PLAC1: variants seen among roughly 807,000 people sequenced by gnomAD.
PLAC1 encodes placenta associated 1, also known as placenta-specific protein 1.
For missense variants in PLAC1, 136 were observed against 163.2 expected, an observed-to-expected ratio of 0.83 and a Z score of 0.91; for synonymous variants, 68 against 62.1, an observed-to-expected ratio of 1.09 and a Z score of -0.44.
At chrX:134,613,281 T>C (rs2078162993) in intron 1 of PLAC1, among the ~76,000 whole-genome samples, 1 of 111,394 alleles carries the variant, frequency 9.0e-6, no homozygotes, top group African/African-American at 3.3e-5. Flanking sequence ...CAGAATTGTG[T>C]CCATGTGGGA....
At chrX:134,757,829 A>T (rs1342912233) in intron 1 of PLAC1, among the ~76,000 whole-genome samples, 1 of 111,544 alleles carries the variant, frequency 9.0e-6, no homozygotes, top group Non-Finnish European at 1.9e-5. Context: ...ATATGTATAC[A>T]CACAGAGAGA....
At chrX:134,707,571 A>C (rs2078609552) in intron 2 of PLAC1, among the ~76,000 whole-genome samples, 1 of 111,910 alleles carries the variant, frequency 8.9e-6, no homozygotes, top group Non-Finnish European at 1.9e-5. Context: ...TATGAGTGAG[A>C]ACATGGGGTG....
chrX:134,597,177 A>AT (rs1157913373), intron 2 of PLAC1, among the ~76,000 whole-genome samples: 2 of 110,759 alleles, frequency 1.8e-5, no homozygotes, highest in South Asian at 3.8e-4. Context: ...TGAGACTGTT[A>AT]TTTTTTTCCA....
At chrX:134,699,525 C>T (rs780462251) in intron 2 of PLAC1, among the ~76,000 whole-genome samples, 100 of 112,419 alleles carry the variant, frequency 8.9e-4, no homozygotes, top group African/African-American at 3.2e-3. Flanking sequence ...TGTTAATCTG[C>T]TTCATCACAA....
intron 1 of PLAC1, among the ~76,000 whole-genome samples, chrX:134,625,218 G>A: frequency 8.9e-6 from 1 of 112,228 alleles, no homozygotes; most frequent in Admixed American, 9.4e-5. Context: ...GAACATGGAA[G>A]AAGCTTGGTT....
intron 2 of PLAC1, among the ~76,000 whole-genome samples, chrX:134,575,942 TATC>T (rs908386566): frequency 1.1e-4 from 12 of 108,437 alleles, no homozygotes; most frequent in Admixed American, 1.1e-3. Context: ...ATAAAAGTCT[TATC>T]ATATCTAATA....
chrX:134,705,019 T>C (rs866961494), intron 2 of PLAC1, among the ~76,000 whole-genome samples: 4 of 95,884 alleles, frequency 4.2e-5, no homozygotes, highest in African/African-American at 1.3e-4. Flanking sequence ...TATATATATA[T>C]ATACACACAC....
intron 1 of PLAC1, among the ~76,000 whole-genome samples, chrX:134,624,359 C>A (rs1233156220): frequency 8.9e-6 from 1 of 111,841 alleles, no homozygotes; most frequent in Non-Finnish European, 1.9e-5. Context: ...TCCTTAACAG[C>A]AAACCTGCTT....
chrX:134,733,267 CG>C (rs2078694131), intron 2 of PLAC1, among the ~76,000 whole-genome samples: 3 of 109,802 alleles, frequency 2.7e-5, no homozygotes. Context: ...AGAGAACTTC[CG>C]GGGCTTAGAA....
chrX:134,638,762 T>TA (rs56714261), intron 1 of PLAC1, among the ~76,000 whole-genome samples: 10,601 of 102,704 alleles, frequency 0.1, 731 homozygotes, highest in East Asian at 0.52. Flanking sequence ...CTGGCTTTTT[T>TA]AAAAAAAAAA....
At chrX:134,758,825 T>C (rs2078763098) in intron 1 of PLAC1, among the ~76,000 whole-genome samples, 1 of 111,807 alleles carries the variant, frequency 8.9e-6, no homozygotes, top group Non-Finnish European at 1.9e-5. Flanking sequence ...AAACAATCAA[T>C]AGAGTTAAGA....
intron 2 of PLAC1, among the ~76,000 whole-genome samples, chrX:134,580,929 C>T (rs1345353976): frequency 2.7e-5 from 3 of 111,732 alleles, no homozygotes; most frequent in African/African-American, 9.8e-5. Context: ...CCACCAGATA[C>T]GGCAACCCCA....
chrX:134,756,351 T>A (rs1048159040), intron 1 of PLAC1, among the ~76,000 whole-genome samples: 58 of 109,575 alleles, frequency 5.3e-4, no homozygotes, highest in Non-Finnish European at 9.7e-4. Context: ...TTTTTTTTTT[T>A]AATATTTGGA....
At chrX:134,616,798 CAG>C (rs1023212915) in intron 1 of PLAC1, among the ~76,000 whole-genome samples, 24 of 106,522 alleles carry the variant, frequency 2.3e-4, no homozygotes, top group Non-Finnish European at 3.3e-4. Context: ...TTTTTTTAGA[CAG>C]AGTCTCGCTC....
intron 2 of PLAC1, among the ~76,000 whole-genome samples, chrX:134,680,270 T>C (rs1285765339): frequency 9.0e-6 from 1 of 111,624 alleles, no homozygotes; most frequent in Admixed American, 9.5e-5. Flanking sequence ...ATGAGGAAAC[T>C]AAGGATCAGA....
At chrX:134,652,151 G>A (rs1312711408) in intron 1 of PLAC1, among the ~76,000 whole-genome samples, 2 of 111,583 alleles carry the variant, frequency 1.8e-5, no homozygotes, top group African/African-American at 6.5e-5. Context: ...TGACCCAGAG[G>A]CAAATATCTA....
intron 1 of PLAC1, among the ~76,000 whole-genome samples, chrX:134,746,035 T>G (rs1222913726): frequency 9.0e-6 from 1 of 111,658 alleles, no homozygotes; most frequent in East Asian, 2.8e-4. Flanking sequence ...CCCTTGTTTT[T>G]GTTGAATTTA....
At chrX:134,586,370 G>GA (rs772813569) in intron 2 of PLAC1, among the ~76,000 whole-genome samples, 10 of 109,809 alleles carry the variant, frequency 9.1e-5, no homozygotes, top group Admixed American at 3.9e-4. Flanking sequence ...GACTTCATTT[G>GA]AAAAAAAAAT....
intron 2 of PLAC1, among the ~76,000 whole-genome samples, chrX:134,588,213 T>C (rs964950136): frequency 8.9e-6 from 1 of 111,765 alleles, no homozygotes; most frequent in Non-Finnish European, 1.9e-5. Flanking sequence ...ATTTTCTAGC[T>C]GTTTTGCTGA....
Sources: allele counts gnomAD v4.1 joint callset (sites outside exome capture counted in the v4.1 genomes callset), GRCh38; gene constraint gnomAD v4.1.1; transcripts MANE v1.5; gene names NCBI Gene and HGNC (gene_info 2026-07-23, HGNC 2026-07-21).